Variants in GOT1 observed in about 807,000 individuals in gnomAD.
The protein encoded by GOT1 is glutamic-oxaloacetic transaminase 1, also known as aspartate aminotransferase, cytoplasmic.
Under a neutral mutation model 48.2 loss-of-function variants are expected in GOT1, and 25 were observed. The ratio of observed to expected loss-of-function variants is 0.52; its 90% CI spans 0.38 to 0.72. The LOEUF (loss-of-function observed/expected upper bound fraction) is 0.72. Among genes scored for constraint, GOT1 ranks in the 30% least tolerant of loss-of-function variants. GOT1 has a pLI of 0.00. For synonymous variants in GOT1, 188 were observed against 193.8 expected, an observed-to-expected ratio of 0.97 and a Z score of 0.25; for missense variants, 380 against 520.1, an observed-to-expected ratio of 0.73 and a Z score of 2.62.
chr10:99,420,931 G>T, intron 1 of GOT1, 126 bp from the exon 2 acceptor site: 1 of 790,150 alleles, frequency 1.3e-6, no homozygotes, highest in Non-Finnish European at 2.0e-6. Flanking sequence ...GGAAATTGGA[G>T]AAAAGTTTGT....
chr10:99,402,309 C>G (rs1330550147), intron 8 of GOT1, among the ~76,000 whole-genome samples: 1 of 152,156 alleles, frequency 6.6e-6, no homozygotes, highest in Non-Finnish European at 1.5e-5. Flanking sequence ...ATCCTGTTAC[C>G]TCCCAGCTGG....
At chr10:99,412,601 G>T (rs1352734196) in intron 2 of GOT1, among the ~76,000 whole-genome samples, 3 of 151,874 alleles carry the variant, frequency 2.0e-5, no homozygotes, top group Admixed American at 6.6e-5. Flanking sequence ...GAGAGTAGTG[G>T]TTCTCTCAGC....
intron 5 of GOT1, among the ~76,000 whole-genome samples, chr10:99,404,400 T>C (rs896649314): frequency 2.0e-5 from 3 of 152,198 alleles, no homozygotes; most frequent in African/African-American, 7.2e-5. Flanking sequence ...TTGGTTGTAC[T>C]TTGATTCCCA....
In GOT1 at chr10:99,397,146, G is replaced by A. The variant is rs187554200; in HGVS notation, c.*401C>T. 399 of 173,412 alleles carry A rather than the reference G, an allele frequency of 2.3e-3. No individual in the cohort carries two copies. The highest frequency in any genetic ancestry group is 9.0e-3 in the African/African-American group (381 of 42,332). The allele number at this position is 173,412 out of a possible 1,614,324, so 10.7% of individuals were successfully genotyped here. A position where few individuals can be genotyped will look rare whatever the true frequency, so the allele number is the denominator to read the frequency against. On this transcript the variant is annotated 3_prime_UTR_variant, in exon 9 of 9. Transcript: ENST00000370508. The surrounding 1 kb of genome is among the most constrained non-coding windows in gnomAD (Gnocchi z 5.4). ...AGATGATGAATTTAATGCCGCAGCC[G>A]ACACCCACATTCACACTTTGGCTCC...
At chr10:99,404,161 A>C (rs2032723494) in intron 5 of GOT1, among the ~76,000 whole-genome samples, 1 of 152,178 alleles carries the variant, frequency 6.6e-6, no homozygotes, top group African/African-American at 2.4e-5. Flanking sequence ...AATGTCCTAC[A>C]TTGTGGATTT....
chr10:99,401,141 A>G (rs1411527106), intron 8 of GOT1, among the ~76,000 whole-genome samples: 1 of 152,198 alleles, frequency 6.6e-6, no homozygotes, highest in African/African-American at 2.4e-5. Flanking sequence ...ACATTCCCAT[A>G]TTGTGAGCTT....
At chr10:99,402,995 G>A (rs2032701320) in intron 7 of GOT1, among the ~76,000 whole-genome samples, 2 of 152,180 alleles carry the variant, frequency 1.3e-5, no homozygotes, top group Non-Finnish European at 2.9e-5. Flanking sequence ...CTTCACCGAG[G>A]TGCTGCTATA....
chr10:99,406,740 G>A lies in GOT1; in HGVS notation c.410C>T (p.Ser137Phe). The A allele has an allele frequency of 1.2e-6, 2 of 1,613,662 alleles. No homozygotes were observed. Among genetic ancestry groups the A allele is most frequent in the Non-Finnish European group, 1.7e-6 (2 of 1,179,658 alleles). ...TNNKNTPVYV[S>F]SPTWENHNAV... ...GAAAGACTCACCCCAGGTTGGTGAG[G>A]ACACATAGACAGGTGTGTTCTTGTT... is the stretch of plus-strand genomic sequence containing the variant. The change falls in exon 3 of 9, where the codon TCC (serine) becomes TTC (phenylalanine). Residue 137 changes from serine to phenylalanine, a missense_variant. Transcript: ENST00000370508.
chr10:99,407,065 C>A (rs563440887), intron 2 of GOT1, among the ~76,000 whole-genome samples: 4 of 152,306 alleles, frequency 2.6e-5, no homozygotes, highest in East Asian at 1.9e-4. Context: ...AGGTGAAGAA[C>A]CTTGCTCAAA....
rs999734477 is a variant in GOT1, at chr10:99,403,792, C to T, written c.725G>A (p.Arg242His). Residue 242 changes from arginine to histidine, a missense_variant, in exon 6 of 9, where the codon CGC becomes CAC. Arg to His is a conservative substitution (Grantham distance 29, BLOSUM62 0). Coordinates refer to ENST00000370508, the MANE Select transcript of GOT1 (RefSeq NM_002079.3). ...GNLERDAWAI[R>H]YFVSEGFEFF... is the part of the protein sequence containing the mutation. Reference sequence around the variant, plus strand: ...CTCGAAGCCTTCAGACACAAAATAGCGAATGGCCCAGGCATCTCTCTCCAG... The same window carrying T: ...CTCGAAGCCTTCAGACACAAAATAGTGAATGGCCCAGGCATCTCTCTCCAG... 4 of 1,613,928 alleles carry T rather than the reference C, an allele frequency of 2.5e-6. No homozygotes were observed. Among genetic ancestry groups the T allele is most frequent in the Non-Finnish European group, 2.5e-6 (3 of 1,179,962 alleles).
intron 2 of GOT1, among the ~76,000 whole-genome samples, chr10:99,417,986 C>T (rs1303520669): frequency 1.3e-5 from 2 of 151,690 alleles, no homozygotes; most frequent in South Asian, 2.1e-4. Flanking sequence ...ACCAACATGG[C>T]ACATGTATAC....
chr10:99,404,384 A>G (rs368095220), intron 5 of GOT1, among the ~76,000 whole-genome samples: 64 of 152,302 alleles, frequency 4.2e-4, no homozygotes, highest in Middle Eastern at 3.4e-3. Context: ...GGAACTGTCC[A>G]AATCTTTGGT....
At chr10:99,425,947 G>A (rs1390773414) in intron 1 of GOT1, among the ~76,000 whole-genome samples, 2 of 152,146 alleles carry the variant, frequency 1.3e-5, no homozygotes, top group African/African-American at 2.4e-5. Flanking sequence ...GTACATACAA[G>A]GTACTGCACT....
rs770282613 is a variant in GOT1 at position 99,430,586 on chromosome 10, GA to G, written c.-22del. The G allele has an allele frequency of 1.5e-5, 23 of 1,562,482 alleles. No individual in the cohort carries two copies. The highest frequency in any genetic ancestry group is 1.8e-5 in the Non-Finnish European group (21 of 1,147,856). On this transcript the variant is annotated 5_prime_UTR_variant, in exon 1 of 9. Transcript: ENST00000370508. Reference sequence around the variant, plus strand: ...GCCATATCGAGAGACTAGGAATCAAGAGATTTCACCCCACGCCCGGAGCTGG... The same window carrying G: ...GCCATATCGAGAGACTAGGAATCAAGGATTTCACCCCACGCCCGGAGCTGG...
chr10:99,427,740 C>A (rs550664303), intron 1 of GOT1, among the ~76,000 whole-genome samples: 2 of 152,250 alleles, frequency 1.3e-5, no homozygotes, highest in South Asian at 4.1e-4. Context: ...TACTGGCTAC[C>A]ACCTGGAGGT....
At chr10:99,424,912 C>T (rs1161735822) in intron 1 of GOT1, among the ~76,000 whole-genome samples, 2 of 152,184 alleles carry the variant, frequency 1.3e-5, no homozygotes, top group Non-Finnish European at 2.9e-5. Context: ...ACCACTATTC[C>T]TGCTGTCCCC....
intron 8 of GOT1, among the ~76,000 whole-genome samples, chr10:99,402,301 C>A (rs1393403832): frequency 6.6e-6 from 1 of 152,212 alleles, no homozygotes; most frequent in Non-Finnish European, 1.5e-5. Context: ...AGCTACCAAT[C>A]CTGTTACCTC....
intron 2 of GOT1, among the ~76,000 whole-genome samples, chr10:99,408,756 C>T (rs1265978380): frequency 6.6e-6 from 1 of 152,010 alleles, no homozygotes; most frequent in African/African-American, 2.4e-5. Flanking sequence ...GGGACACACG[C>T]CAATCTTCTA....
At chr10:99,430,143 T>C in intron 1 of GOT1, 1 of 608,532 alleles carries the variant, frequency 1.6e-6, no homozygotes, top group Non-Finnish European at 2.9e-6. Context: ...TCCGGCAGCC[T>C]CATTTCTTAG....
Sources: gnomAD v4.1 joint callset for allele counts (sites outside exome capture counted in the v4.1 genomes callset) on GRCh38, gnomAD v4.1.1 for gene constraint, Gnocchi (gnomAD v3.1) non-coding constraint, MANE v1.5 for transcripts, NCBI Gene and HGNC (gene_info 2026-07-23, HGNC 2026-07-21) for gene names.